MFN1: variants seen among roughly 807,000 people sequenced by gnomAD.
MFN1 encodes mitofusin 1.
MFN1 carries 65 observed loss-of-function variants against 92.4 expected under a neutral mutation model. The ratio of observed to expected loss-of-function variants is 0.70; its 90% CI spans 0.58 to 0.86. The LOEUF is 0.86. Among genes scored for constraint, MFN1 ranks in the 40% least tolerant of loss-of-function variants. MFN1 has a pLI of 0.00. For missense variants in MFN1, 781 were observed against 868.0 expected (o/e 0.90, Z 1.26); for synonymous variants, 297 against 300.9 (o/e 0.99, Z 0.13).
At chr3:179,351,535 G>A (rs1235659641) in intron 2 of MFN1, among the ~76,000 whole-genome samples, 1 of 152,148 alleles carries the variant, frequency 6.6e-6, no homozygotes, top group Non-Finnish European at 1.5e-5. Context: ...CTCTCAGTAT[G>A]TGGCTCCCCC....
Position 179,394,797 on chromosome 3 carries a change from T to A in MFN1, c.*2738T>A, listed in dbSNP as rs1250518493. On this transcript the variant is annotated 3_prime_UTR_variant, in exon 18 of 18. Transcript: ENST00000471841. The stretch of plus-strand genomic sequence containing the variant: ...ACAGGAATTATGTAATTATGAGTGA[T>A]GTACTTCAAAGTTATTGCACATACA... 6.6e-6 allele frequency: 1 copy of A among 152,238 alleles called. No homozygotes were observed. Among genetic ancestry groups the A allele is most frequent in the Non-Finnish European group, 1.5e-5 (1 of 68,042 alleles). 9.4% of individuals were successfully genotyped at this position (152,238 alleles called of 1,614,324 possible).
rs537982454 is a variant in MFN1 at position 179,361,790 on chromosome 3, G to A, written c.412-568G>A. On this transcript the variant is annotated intron_variant, in intron 4 of 17. Transcript: ENST00000471841. ...TGACCTCAGTTGATCCACCTGCCTCGGCCTCCCAAAGTGCTGGAATTACTG... is the reference window on the plus strand; with the variant it reads ...TGACCTCAGTTGATCCACCTGCCTCAGCCTCCCAAAGTGCTGGAATTACTG... Among the ~76,000 whole-genome samples, 9 of 152,124 alleles carry A rather than the reference G, an allele frequency of 5.9e-5. No individual in the cohort carries two copies. The East Asian group carries it at 7.7e-4, about 13-fold the overall frequency.
chr3:179,353,842 C>T (rs1016642691), intron 3 of MFN1, among the ~76,000 whole-genome samples: 2 of 152,230 alleles, frequency 1.3e-5, no homozygotes, highest in Non-Finnish European at 2.9e-5. Flanking sequence ...TTCCCTTTGC[C>T]TACAACTCAC....
intron 9 of MFN1, among the ~76,000 whole-genome samples, chr3:179,373,918 C>T (rs1690248426): frequency 6.6e-6 from 1 of 151,978 alleles, no homozygotes. Flanking sequence ...CGTGATCTGC[C>T]CGCCTCGGCC....
intron 12 of MFN1, 97 bp from the exon 13 acceptor site, chr3:179,378,241 TAAA>T: frequency 1.1e-6 from 1 of 920,176 alleles, no homozygotes; most frequent in Non-Finnish European, 1.7e-6. Flanking sequence ...AAAGTCAAAT[TAAA>T]AAGACCATTT....
intron 3 of MFN1, among the ~76,000 whole-genome samples, chr3:179,353,355 C>T (rs1207717579): frequency 2.0e-5 from 3 of 147,204 alleles, no homozygotes; most frequent in Non-Finnish European, 4.5e-5. Context: ...CGTGAGCCAC[C>T]GCGCCTGGCC....
At chr3:179,377,503 C>A in intron 12 of MFN1, 55 bp downstream of exon 12, 1 of 1,071,294 alleles carries the variant, frequency 9.3e-7, no homozygotes, top group Non-Finnish European at 1.4e-6. Context: ...TATTCTATAC[C>A]CTCATTTATT....
At chr3:179,348,791 T>G (rs1481137558) in intron 1 of MFN1, 54 bp from the exon 2 acceptor site, 2 of 1,582,768 alleles carry the variant, frequency 1.3e-6, no homozygotes, top group South Asian at 2.3e-5. Flanking sequence ...GTCATCAGTT[T>G]GCATGTCTAT....
rs528509280 is a variant in MFN1, at chr3:179,361,299, A to G, written c.412-1059A>G. Among the ~76,000 whole-genome samples, 3 of 152,170 alleles carry G rather than the reference A, an allele frequency of 2.0e-5. 1 individual carries two copies. In the South Asian group the frequency reaches 6.2e-4, roughly 32 times the overall value. On this transcript the variant is annotated intron_variant, in intron 4 of 17. Transcript: ENST00000471841. Reference sequence around the variant, plus strand: ...GATCCATGCTCTTCCAGTCCTCTTCACACTCTTTTCCTCCTCCTTATTTTA... The same window carrying G: ...GATCCATGCTCTTCCAGTCCTCTTCGCACTCTTTTCCTCCTCCTTATTTTA...
chr3:179,379,006 AC>A (rs141061855), intron 14 of MFN1, among the ~76,000 whole-genome samples, 192 bp downstream of exon 14: 3,893 of 152,244 alleles, frequency 0.026, 182 homozygotes, highest in African/African-American at 0.089. Flanking sequence ...AAAATGAAAA[AC>A]TTTTTGAGTA....
chr3:179,351,907 T>C lies in MFN1; in HGVS notation c.120T>C (p.Tyr40=), dbSNP rs777266144. ...TEGSHFVEAT[Y]KNPELDRIAT... ...GCCATTTCAATTTTGCAGCAACATA[T>C]AAGAATCCGGAACTTGATCGAATAG... The change falls in exon 3 of 18, where the codon TAT becomes TAC. Residue 40 remains tyrosine (Y), a synonymous_variant. Coordinates refer to ENST00000471841, the MANE Select transcript of MFN1 (RefSeq NM_033540.3). The C allele has an allele frequency of 9.4e-6, 15 of 1,601,128 alleles. No homozygotes were observed. In the Middle Eastern group the frequency reaches 6.6e-4, roughly 71 times the overall value.
chr3:179,349,525 T>TC (rs1354303578), intron 2 of MFN1, among the ~76,000 whole-genome samples: 4 of 151,952 alleles, frequency 2.6e-5, no homozygotes, highest in Non-Finnish European at 5.9e-5. Flanking sequence ...TTTTTTTTTT[T>TC]TGAGACAGAG....
chr3:179,388,424 C>T (rs1046037996), intron 16 of MFN1, among the ~76,000 whole-genome samples: 1 of 152,106 alleles, frequency 6.6e-6, no homozygotes, highest in African/African-American at 2.4e-5. Flanking sequence ...CCTAAGTCCA[C>T]CCGGTTTCTG....
intron 3 of MFN1, 40 bp from the exon 4 acceptor site, chr3:179,358,800 C>T: frequency 6.4e-7 from 1 of 1,559,380 alleles, no homozygotes; most frequent in African/African-American, 1.4e-5. Flanking sequence ...ACTTTTTTTA[C>T]TGTTATGTTT....
chr3:179,365,287 A>T, intron 7 of MFN1, 62 bp downstream of exon 7: 3 of 950,722 alleles, frequency 3.2e-6, no homozygotes. Flanking sequence ...GTTATTTGAG[A>T]AAACAATATT....
chr3:179,386,570 T>G lies in MFN1; in HGVS notation c.1953T>G (p.Thr651=). The G allele has an allele frequency of 6.2e-7, 1 of 1,613,952 alleles. No individual in the cohort carries two copies. The highest frequency in any genetic ancestry group is 8.5e-7 in the Non-Finnish European group (1 of 1,179,984). ...AACAGCAGTTTGTAAACTATGCAAC[T>G]GAAAAACTGAGGATGATTGTTAGCT... The part of the protein sequence containing the change: ...AFKQQFVNYA[T]EKLRMIVSST... The change falls in exon 16 of 18, where the codon ACT becomes ACG. Residue 651 remains threonine (T), a synonymous_variant. Coordinates refer to ENST00000471841, the MANE Select transcript of MFN1 (RefSeq NM_033540.3).
At chr3:179,371,701 GAT>G (rs1256765359) in intron 9 of MFN1, among the ~76,000 whole-genome samples, 10 of 152,146 alleles carry the variant, frequency 6.6e-5, no homozygotes, top group Non-Finnish European at 1.3e-4. Flanking sequence ...TATGATGGGA[GAT>G]AGACGTATAA....
chr3:179,362,520 T>G, intron 5 of MFN1, 38 bp downstream of exon 5: 2 of 1,595,264 alleles, frequency 1.3e-6, no homozygotes, highest in Non-Finnish European at 1.7e-6. Flanking sequence ...TCTGGAAGTT[T>G]ATTTAATAGT....
In MFN1 at chr3:179,390,102, A is replaced by G; in HGVS notation, c.2111A>G (p.Gln704Arg). The G allele has an allele frequency of 6.2e-7, 1 of 1,602,306 alleles. No individual in the cohort carries two copies. Reference protein sequence around the residue: ...EIARLPKEIDQLEKIQNNSKL... With the variant: ...EIARLPKEIDRLEKIQNNSKL... ...GCTAGATTACCCAAAGAAATAGATC[A>G]GTTGGAGAAAATACAAAACAATTCA... The change falls in exon 17 of 18, where the codon CAG becomes CGG. Residue 704 changes from glutamine to arginine, a missense_variant. Transcript: ENST00000471841.
Sources: gnomAD v4.1 joint callset for allele counts (sites outside exome capture counted in the v4.1 genomes callset) on GRCh38, gnomAD v4.1.1 for gene constraint, MANE v1.5 for transcripts, NCBI Gene and HGNC (gene_info 2026-07-23, HGNC 2026-07-21) for gene names.